The following CD109 variants were observed in gnomAD, a reference collection of about 807,000 sequenced individuals.
CD109 encodes CD109 antigen.
A neutral mutation model predicts 165.8 loss-of-function variants in CD109; 149 were observed. The observed-to-expected ratio is 0.90, with a 90% confidence interval of 0.79 to 1.03. The LOEUF (loss-of-function observed/expected upper bound fraction) is 1.03. Ranked by LOEUF, CD109 falls within the 50% of genes least tolerant of loss-of-function variation. The pLI, the probability that CD109 is intolerant of heterozygous loss-of-function variation, is 0.00. For synonymous variants in CD109, 585 were observed against 592.1 expected, an observed-to-expected ratio of 0.99 and a Z score of 0.18; for missense variants, 1,712 against 1,677.8, an observed-to-expected ratio of 1.02 and a Z score of -0.36.
intron 5 of CD109, among the ~76,000 whole-genome samples, chr6:73,752,038 A>G (rs976993179): frequency 6.6e-6 from 1 of 152,232 alleles, no homozygotes; most frequent in South Asian, 2.1e-4. Context: ...TAACAAATTC[A>G]GTGCCTTTCT....
At chr6:73,731,681 C>T (rs1021378993) in intron 4 of CD109, among the ~76,000 whole-genome samples, 11 of 152,188 alleles carry the variant, frequency 7.2e-5, no homozygotes, top group Non-Finnish European at 1.5e-4. Context: ...TTAAAAGGAT[C>T]ACTGTCAGCT....
rs368712772 is a variant in CD109, at chr6:73,796,991, ACT to A, written c.2878+4194_2878+4195del. ...ATGAAATCAGTGTCTCATTTCAGAG[ACT>A]CTCTTTTTTCTTTTGCCATCACATT... On this transcript the variant is annotated intron_variant, in intron 23 of 32. Transcript: ENST00000287097. Among the ~76,000 whole-genome samples the A allele has an allele frequency of 2.3e-3, 352 of 151,964 alleles. 3 individuals are homozygous for A. Among genetic ancestry groups the A allele is most frequent in the Middle Eastern group, 6.8e-3 (2 of 294 alleles).
At chr6:73,685,837 A>T in the CD109 span, among the ~76,000 whole-genome samples, 1 of 152,216 alleles carries the variant, frequency 6.6e-6, no homozygotes, top group Admixed American at 6.5e-5. Flanking sequence ...GGTTTCTGAA[A>T]ATATATAAGA....
At chr6:73,782,477 A>G (rs1016014201) in intron 17 of CD109, 137 bp from the exon 18 acceptor site, 10 of 753,270 alleles carry the variant, frequency 1.3e-5, no homozygotes, top group African/African-American at 1.0e-4. Context: ...TCACTGTAAC[A>G]GAAGGAACCT....
At chr6:73,748,441 C>G (rs1020252502) in intron 5 of CD109, among the ~76,000 whole-genome samples, 6 of 152,344 alleles carry the variant, frequency 3.9e-5, no homozygotes, top group Middle Eastern at 3.4e-3. Flanking sequence ...GATTTCATAA[C>G]TCTCTGTAAA....
At chr6:73,809,132 A>G (rs1008976193) in intron 26 of CD109, among the ~76,000 whole-genome samples, 5 of 152,054 alleles carry the variant, frequency 3.3e-5, no homozygotes, top group African/African-American at 1.2e-4. Flanking sequence ...GTCATCATCT[A>G]AATAGTAATA....
intron 3 of CD109, among the ~76,000 whole-genome samples, chr6:73,725,111 A>G (rs1308417633): frequency 6.6e-6 from 1 of 152,242 alleles, no homozygotes; most frequent in East Asian, 1.9e-4. Context: ...GAAAAAAGGC[A>G]TAAGCAGGCA....
At chr6:73,746,856 A>G (rs1024587305) in intron 5 of CD109, among the ~76,000 whole-genome samples, 1 of 152,174 alleles carries the variant, frequency 6.6e-6, no homozygotes, top group African/African-American at 2.4e-5. Context: ...CTTGATAAGA[A>G]CCAGAATATT....
chr6:73,781,362 G>T, intron 17 of CD109, 43 bp downstream of exon 17: 1 of 1,459,174 alleles, frequency 6.9e-7, no homozygotes, highest in South Asian at 1.1e-5. Flanking sequence ...TCTTTCACAT[G>T]ATATTCAACA....
chr6:73,763,610 C>T lies in CD109; in HGVS notation c.1032C>T (p.Phe344=), dbSNP rs1773722235. The change falls in exon 10 of 33, where the codon TTC becomes TTT. Residue 344 remains phenylalanine, a synonymous_variant. Coordinates refer to ENST00000287097, the MANE Select transcript of CD109 (RefSeq NM_133493.5). ...GAAATGTAAGCACTAATGTGTTCTT[C>T]AAGCAACATGATTACATCATTGAGT... is the stretch of plus-strand genomic sequence containing the variant. ...ISRNVSTNVF[F]KQHDYIIEFF... The T allele has an allele frequency of 1.9e-6, 3 of 1,592,788 alleles. No individual in the cohort carries two copies. The highest frequency in any genetic ancestry group is 1.3e-5 in the African/African-American group (1 of 74,492).
Position 73,811,070 on chromosome 6 carries a change from G to T in CD109, c.3625G>T (p.Val1209Leu). Residue 1209 changes from valine (V) to leucine (L), a missense_variant, in exon 28 of 33, where the codon GTG (valine) becomes TTG (leucine). Coordinates refer to ENST00000287097, the MANE Select transcript of CD109 (RefSeq NM_133493.5). ...AGAAAGGACAAATATCCAAGTGACCGTGACGGGGCCTAGCTCACCAAGTCC... is the reference window on the plus strand; with the variant it reads ...AGAAAGGACAAATATCCAAGTGACCTTGACGGGGCCTAGCTCACCAAGTCC... ...NTERTNIQVT[V>L]TGPSSPSPVK... 1 of 1,613,452 alleles carries T rather than the reference G, an allele frequency of 6.2e-7. No individual in the cohort carries two copies. The highest frequency in any genetic ancestry group is 1.1e-5 in the South Asian group (1 of 91,056).
chr6:73,724,337 A>G (rs1260138821), intron 3 of CD109, among the ~76,000 whole-genome samples: 2 of 152,164 alleles, frequency 1.3e-5, no homozygotes, highest in Non-Finnish European at 2.9e-5. Flanking sequence ...AGGAGTTATT[A>G]TTTTGTTGAG....
At chr6:73,770,912 G>C (rs1027855849) in intron 14 of CD109, among the ~76,000 whole-genome samples, 1 of 152,182 alleles carries the variant, frequency 6.6e-6, no homozygotes, top group African/African-American at 2.4e-5. Flanking sequence ...TGGAGACAGA[G>C]CATGAGGGCC....
intron 29 of CD109, among the ~76,000 whole-genome samples, chr6:73,814,011 A>C (rs1775843618): frequency 6.6e-6 from 1 of 152,172 alleles, no homozygotes; most frequent in South Asian, 2.1e-4. Context: ...AAGTAAGATA[A>C]CCAGAAGGAT....
In CD109 at chr6:73,827,956, T is replaced by C. The variant is rs1339062222; in HGVS notation, c.*4323T>C. 1 of 154,832 alleles carries C rather than the reference T, an allele frequency of 6.5e-6. No individual in the cohort carries two copies. The highest frequency in any genetic ancestry group is 1.5e-5 in the Non-Finnish European group (1 of 68,228). 9.6% of individuals were successfully genotyped at this position (154,832 alleles called of 1,614,324 possible). A position where few individuals can be genotyped will look rare whatever the true frequency, so the allele number is the denominator to read the frequency against. On this transcript the variant is annotated 3_prime_UTR_variant, in exon 33 of 33. Coordinates refer to ENST00000287097, the MANE Select transcript of CD109 (RefSeq NM_133493.5). ...TTGGTGGTAGAAGGTAGTTCCATGT[T>C]CCATTTGTAGATCTTTAAGATTTTA...
chr6:73,684,717 C>T, the CD109 span, among the ~76,000 whole-genome samples: 95,476 of 151,408 alleles, frequency 0.63, 30,542 homozygotes, highest in African/African-American at 0.73. Flanking sequence ...CAGGATCTTA[C>T]TCTGTCACCT....
In CD109 at chr6:73,808,072, T is replaced by C. The variant is rs918683156; in HGVS notation, c.3190-11T>C. The stretch of plus-strand genomic sequence containing the variant: ...TCTGAATAGTAAAAAACATACTTTT[T>C]TTCTTCCAAGCCTAACATTGATGTG... On this transcript the variant is annotated splice_polypyrimidine_tract_variant and intron_variant, in intron 25 of 32. Coordinates refer to ENST00000287097, the MANE Select transcript of CD109 (RefSeq NM_133493.5). 6.2e-7 allele frequency: 1 copy of C among 1,610,726 alleles called. No individual in the cohort carries two copies. Among genetic ancestry groups the C allele is most frequent in the African/African-American group, 1.3e-5 (1 of 74,732 alleles).
intron 30 of CD109, among the ~76,000 whole-genome samples, chr6:73,817,530 G>A (rs1295212741): frequency 6.6e-6 from 1 of 152,116 alleles, no homozygotes; most frequent in East Asian, 1.9e-4. Context: ...GCTCTAAAAA[G>A]CAAGATTTTT....
At chr6:73,821,704 G>C (rs1438375086) in intron 32 of CD109, among the ~76,000 whole-genome samples, 1 of 152,112 alleles carries the variant, frequency 6.6e-6, no homozygotes, top group Non-Finnish European at 1.5e-5. Flanking sequence ...GGGAACAGTA[G>C]ACACTGGGGA....
Sources: allele counts gnomAD v4.1 joint callset (sites outside exome capture counted in the v4.1 genomes callset), GRCh38; gene constraint gnomAD v4.1.1; transcripts MANE v1.5; gene names NCBI Gene and HGNC (gene_info 2026-07-23, HGNC 2026-07-21).